The following ESR1 variants were observed in gnomAD, a reference collection of about 807,000 sequenced individuals.
ESR1 encodes the protein estrogen receptor 1.
ESR1 carries 12 observed loss-of-function variants against 52.7 expected under a neutral mutation model. That is an observed-to-expected ratio of 0.23 (90% CI 0.15 to 0.37). The LOEUF (loss-of-function observed/expected upper bound fraction) is 0.37. ESR1 is among the 10% of genes least tolerant of loss of function. The probability of loss-of-function intolerance (pLI) is 1.00; values close to 1 mark genes in which losing one functional copy is unlikely to be tolerated. For missense variants in ESR1, 584 were observed against 779.7 expected (o/e 0.75, Z 2.99); for synonymous variants, 305 against 316.8 (o/e 0.96, Z 0.39).
intron 6 of ESR1, among the ~76,000 whole-genome samples, chr6:152,066,394 CATATTGA>C (rs1319255506): frequency 6.6e-6 from 1 of 152,144 alleles, no homozygotes; most frequent in Non-Finnish European, 1.5e-5. Context: ...ATTTTTTAAA[CATATTGA>C]CTGTAAACAC....
chr6:151,857,088 A>G (rs1051027596), intron 2 of ESR1, among the ~76,000 whole-genome samples: 5 of 152,192 alleles, frequency 3.3e-5, no homozygotes, highest in Non-Finnish European at 5.9e-5. Context: ...GCACACGTAC[A>G]TAAGTCCATA....
chr6:151,690,888 A>G (rs771190033), intron 1 of ESR1, among the ~76,000 whole-genome samples: 8 of 152,180 alleles, frequency 5.3e-5, no homozygotes, highest in Non-Finnish European at 1.0e-4. Context: ...TTCTAGAATA[A>G]TATTTAGCTG....
intron 1 of ESR1, among the ~76,000 whole-genome samples, chr6:151,823,620 C>T (rs1023488438): frequency 6.6e-6 from 1 of 152,074 alleles, no homozygotes; most frequent in Non-Finnish European, 1.5e-5. Context: ...ATCCCTCCCC[C>T]CTACCCCCAC....
At chr6:151,928,513 T>G (rs2033102275) in intron 3 of ESR1, among the ~76,000 whole-genome samples, 1 of 152,088 alleles carries the variant, frequency 6.6e-6, no homozygotes, top group Admixed American at 6.5e-5. Context: ...ATATTACTTT[T>G]GCACCATTGT....
chr6:152,097,180 A>G (rs2050681246), intron 7 of ESR1, among the ~76,000 whole-genome samples: 1 of 151,608 alleles, frequency 6.6e-6, no homozygotes, highest in Non-Finnish European at 1.5e-5. Flanking sequence ...ACACACACAT[A>G]CACACACACA....
At chr6:151,904,080 G>A (rs1490970344) in intron 3 of ESR1, among the ~76,000 whole-genome samples, 3 of 152,262 alleles carry the variant, frequency 2.0e-5, no homozygotes, top group Non-Finnish European at 4.4e-5. Context: ...GGTCACATAA[G>A]CATGACTGAA....
At chr6:151,696,130 G>A (rs1196186754) in intron 1 of ESR1, among the ~76,000 whole-genome samples, 4 of 152,046 alleles carry the variant, frequency 2.6e-5, no homozygotes. Context: ...GGGCCTTGCT[G>A]TGGTTTATTA....
intron 2 of ESR1, among the ~76,000 whole-genome samples, chr6:151,718,309 A>G (rs78044217): frequency 0.02 from 3,122 of 152,332 alleles, 38 homozygotes; most frequent in East Asian, 0.033. Context: ...AGTGAAAAAC[A>G]GTGCACTAAA....
chr6:152,045,690 G>A (rs991649500), intron 5 of ESR1, among the ~76,000 whole-genome samples: 4 of 152,122 alleles, frequency 2.6e-5, no homozygotes, highest in African/African-American at 9.7e-5. Flanking sequence ...CTCAATGAAG[G>A]TTAGCTTTCA....
chr6:151,841,140 T>C lies in ESR1; in HGVS notation c.453-1457T>C, dbSNP rs574884543. Among the ~76,000 whole-genome samples the C allele has an allele frequency of 2.0e-5, 3 of 152,354 alleles. No homozygotes were observed. In the South Asian group the frequency reaches 6.2e-4, roughly 32 times the overall value. ...AGTTTCCTTCTTGGCTTTATTCTTT[T>C]ATCTTCCTCTTTGTGCTTTCAAACA... On this transcript the variant is annotated intron_variant, in intron 1 of 7. Transcript: ENST00000206249.
upstream of ESR1, among the ~76,000 whole-genome samples, chr6:151,806,530 GTATATATATATATA>G (rs56020486): frequency 1.6e-4 from 15 of 96,446 alleles, no homozygotes; most frequent in Admixed American, 4.2e-4. Flanking sequence ...TCCTTAATAT[GTATATATATATATA>G]TATATATATA....
intron 2 of ESR1, among the ~76,000 whole-genome samples, chr6:151,780,968 A>AT (rs1786488572): frequency 1.3e-5 from 2 of 152,196 alleles, no homozygotes; most frequent in South Asian, 2.1e-4. Context: ...AAATATTGAG[A>AT]TTTTGGTGAT....
intron 6 of ESR1, among the ~76,000 whole-genome samples, chr6:152,073,147 T>G (rs1585113209): frequency 6.6e-6 from 1 of 152,330 alleles, no homozygotes; most frequent in South Asian, 2.1e-4. Flanking sequence ...ATGGCCAGCC[T>G]TGAAGAGTTT....
rs547809001 is a variant in ESR1 at position 152,061,191 on chromosome 6, C to T, written c.1369+67C>T. Reference sequence around the variant, plus strand: ...TTTATTTGTAGTTTTCAACCAGATACGATCTACCCACTCCAAAGGCATAAT... The same window carrying T: ...TTTATTTGTAGTTTTCAACCAGATATGATCTACCCACTCCAAAGGCATAAT... On this transcript the variant is annotated intron_variant, in intron 6 of 7. Transcript: ENST00000206249. This position sits in a 1 kb window ranked among gnomAD's most constrained non-coding sequence, Gnocchi z 4.3. 13 of 1,464,408 alleles carry T rather than the reference C, an allele frequency of 8.9e-6. No homozygotes were observed. The highest frequency in any genetic ancestry group is 5.6e-5 in the African/African-American group (4 of 71,864). The allele number at this position is 1,464,408 out of a possible 1,614,324, so 90.7% of individuals were successfully genotyped here.
At chr6:151,986,490 G>A (rs1268353669) in intron 4 of ESR1, among the ~76,000 whole-genome samples, 1 of 152,064 alleles carries the variant, frequency 6.6e-6, no homozygotes, top group East Asian at 1.9e-4. Flanking sequence ...GGAGAAAGCA[G>A]TTTATTTGTC....
intron 1 of ESR1, among the ~76,000 whole-genome samples, chr6:151,700,271 T>G (rs141878959): frequency 2.0e-5 from 3 of 152,310 alleles, no homozygotes; most frequent in African/African-American, 7.2e-5. Flanking sequence ...CAAGTCTTTT[T>G]TTATAGTTTA....
exon 7 of ESR1, chr6:152,127,805 T>C (rs1046804421): frequency 3.9e-5 from 6 of 152,222 alleles, no homozygotes; most frequent in Admixed American, 6.5e-5. Context: ...GTAGTGTTTA[T>C]AGTGAGGCCC....
intron 2 of ESR1, among the ~76,000 whole-genome samples, chr6:151,860,660 G>A (rs923197244): frequency 1.3e-5 from 2 of 152,156 alleles, no homozygotes; most frequent in Non-Finnish European, 2.9e-5. Context: ...ATGACATTAT[G>A]TTAAGTGAAA....
chr6:151,993,523 C>T (rs921030716), intron 4 of ESR1, among the ~76,000 whole-genome samples: 13 of 152,272 alleles, frequency 8.5e-5, no homozygotes, highest in East Asian at 3.9e-4. Context: ...CAGAGGAGCA[C>T]GAGGGCACAT....
Sources: gnomAD v4.1 joint callset for allele counts (sites outside exome capture counted in the v4.1 genomes callset) on GRCh38, gnomAD v4.1.1 for gene constraint, Gnocchi (gnomAD v3.1) non-coding constraint, MANE v1.5 for transcripts, NCBI Gene and HGNC (gene_info 2026-07-23, HGNC 2026-07-21) for gene names.